CYTH2: variants seen among roughly 807,000 people sequenced by gnomAD.
CYTH2 encodes the protein cytohesin-2.
Under a neutral mutation model 55.4 loss-of-function variants are expected in CYTH2, and 24 were observed. The ratio of observed to expected loss-of-function variants is 0.43; its 90% CI spans 0.31 to 0.61. The LOEUF (loss-of-function observed/expected upper bound fraction) is 0.61. CYTH2 is among the 20% of genes least tolerant of loss of function. The pLI is 0.08. For synonymous variants in CYTH2, 221 were observed against 209.6 expected (o/e 1.05, Z -0.47); for missense variants, 378 against 533.5 (o/e 0.71, Z 2.87).
At chr19:48,473,063 G>A (rs1444816040) in intron 4 of CYTH2, 2 of 531,154 alleles carry the variant, frequency 3.8e-6, no homozygotes, top group Admixed American at 6.3e-5. Context: ...TCTCCCAACT[G>A]TACAAAGGTC....
In CYTH2 at chr19:48,482,133, A is replaced by G. The variant is rs1972053256; in HGVS notation, c.*2923A>G. ...TCAGGGATGAGGGAGGTCCTCAGTGAGTGCACCTGCCCAGTCTTGAACCTT... is the reference window on the plus strand; with the variant it reads ...TCAGGGATGAGGGAGGTCCTCAGTGGGTGCACCTGCCCAGTCTTGAACCTT... On this transcript the variant is annotated 3_prime_UTR_variant, in exon 12 of 12. Coordinates refer to ENST00000452733, the MANE Select transcript of CYTH2 (RefSeq NM_004228.7). 1 of 152,080 alleles carries G rather than the reference A, an allele frequency of 6.6e-6. No individual in the cohort carries two copies. The highest frequency in any genetic ancestry group is 2.1e-4 in the South Asian group (1 of 4,826). The allele number at this position is 152,080 out of a possible 1,614,324, so 9.4% of individuals were successfully genotyped here. A position where few individuals can be genotyped will look rare whatever the true frequency, so the allele number is the denominator to read the frequency against.
chr19:48,469,635 CA>C, intron 1 of CYTH2, 109 bp downstream of exon 1: 1 of 1,332,736 alleles, frequency 7.5e-7, no homozygotes, highest in Non-Finnish European at 9.7e-7. Flanking sequence ...GCGTTCGGCT[CA>C]GTCGTAGACT....
chr19:48,479,435 C>T lies in CYTH2; in HGVS notation c.*225C>T, dbSNP rs139093746. 0.014 allele frequency: 7,596 copies of T among 529,972 alleles called. 109 individuals are homozygous for T. Among genetic ancestry groups the T allele is most frequent in the South Asian group, 0.024 (1,060 of 43,322 alleles). 32.8% of individuals were successfully genotyped at this position (529,972 alleles called of 1,614,324 possible). A position where few individuals can be genotyped will look rare whatever the true frequency, so the allele number is the denominator to read the frequency against. Reference sequence around the variant, plus strand: ...TGGGGTTGACAGAGTCGAGGTGCTCCGTGGAGCCAGCCTGTTTCCCTGGAC... The same window carrying T: ...TGGGGTTGACAGAGTCGAGGTGCTCTGTGGAGCCAGCCTGTTTCCCTGGAC... On this transcript the variant is annotated 3_prime_UTR_variant, in exon 12 of 12. Transcript: ENST00000452733.
At position 48,474,817 on chromosome 19, in the gene CYTH2, A is replaced by G. The variant is rs921463771; in HGVS notation, c.697-21A>G. On this transcript the variant is annotated intron_variant, in intron 7 of 11. Coordinates refer to ENST00000452733, the MANE Select transcript of CYTH2 (RefSeq NM_004228.7). This position sits in a 1 kb window ranked among gnomAD's most constrained non-coding sequence, Gnocchi z 4.9. The stretch of plus-strand genomic sequence containing the variant: ...GGGGCCCCAGGGGGCTCGAATGGCT[A>G]ATGCAGCCTTTACTCCTCAGAACCT... 4 of 1,611,328 alleles carry G rather than the reference A, an allele frequency of 2.5e-6. No individual in the cohort carries two copies. In the Admixed American group the frequency reaches 5.0e-5, roughly 20 times the overall value.
intron 11 of CYTH2, among the ~76,000 whole-genome samples, chr19:48,478,831 T>C (rs1295201655): frequency 1.5e-5 from 2 of 136,470 alleles, no homozygotes; most frequent in Non-Finnish European, 3.1e-5. Flanking sequence ...CCCCTGGGTC[T>C]GACGGAGGAG....
rs1325425279 is a variant in CYTH2, at chr19:48,479,481, C to G, written c.*271C>G. ...TGGACAGGGGCCTGGACCCGCCTGT[C>G]TCTGGGTGCTGCCTGGGCTGTCCCG... On this transcript the variant is annotated 3_prime_UTR_variant, in exon 12 of 12. Transcript: ENST00000452733. 1 of 477,998 alleles carries G rather than the reference C, an allele frequency of 2.1e-6. No individual in the cohort carries two copies. The highest frequency in any genetic ancestry group is 3.4e-5 in the Admixed American group (1 of 29,228). 29.6% of individuals were successfully genotyped at this position (477,998 alleles called of 1,614,324 possible). A position where few individuals can be genotyped will look rare whatever the true frequency, so the allele number is the denominator to read the frequency against.
Sources: allele counts gnomAD v4.1 joint callset (sites outside exome capture counted in the v4.1 genomes callset), GRCh38; gene constraint gnomAD v4.1.1; non-coding constraint Gnocchi (gnomAD v3.1); transcripts MANE v1.5; gene names NCBI Gene and HGNC (gene_info 2026-07-23, HGNC 2026-07-21).